NRDC: variants seen among roughly 807,000 people sequenced by gnomAD.
The protein encoded by NRDC is nardilysin.
NRDC carries 54 observed loss-of-function variants against 147.1 expected under a neutral mutation model. The observed-to-expected ratio is 0.37, with a 90% CI of 0.29 to 0.46. The LOEUF is 0.46. Among genes scored for constraint, NRDC ranks in the 20% least tolerant of loss-of-function variants. The pLI is 1.00. For synonymous variants in NRDC, 440 were observed against 482.1 expected, an observed-to-expected ratio of 0.91 and a Z score of 1.14; for missense variants, 1,082 against 1,370.6, an observed-to-expected ratio of 0.79 and a Z score of 3.33.
chr1:51,812,758 C>T (rs1311496422), intron 14 of NRDC, among the ~76,000 whole-genome samples: 3 of 152,058 alleles, frequency 2.0e-5, no homozygotes, highest in East Asian at 1.9e-4. Context: ...ACAGCACTAT[C>T]GTCTAAACAC....
chr1:51,868,550 T>G (rs1682930856), intron 1 of NRDC, among the ~76,000 whole-genome samples: 1 of 152,198 alleles, frequency 6.6e-6, no homozygotes, highest in African/African-American at 2.4e-5. Context: ...TGTATTTTCA[T>G]AGAATAGCAC....
intron 13 of NRDC, 69 bp from the exon 14 acceptor site, chr1:51,814,158 A>T (rs1246865065): frequency 2.2e-6 from 2 of 921,058 alleles, no homozygotes; most frequent in African/African-American, 1.6e-5. Flanking sequence ...GAAGGGCGGG[A>T]GGAGGGAGAG....
At chr1:51,864,101 G>A (rs571953855) in intron 1 of NRDC, among the ~76,000 whole-genome samples, 4 of 152,160 alleles carry the variant, frequency 2.6e-5, no homozygotes, top group Non-Finnish European at 4.4e-5. Context: ...AGATCATATG[G>A]GTACTCAAAG....
Position 51,857,022 on chromosome 1 carries a change from A to G in NRDC, c.342-16508T>C, listed in dbSNP as rs1408240323. 3.9e-5 allele frequency among the ~76,000 whole-genome samples: 6 copies of G among 152,360 alleles called. No homozygotes were observed. In the East Asian group the frequency reaches 1.2e-3, roughly 29 times the overall value. On this transcript the variant is annotated intron_variant, in intron 1 of 30. Coordinates refer to ENST00000352171, the MANE Select transcript of NRDC (RefSeq NM_001101662.2). Reference sequence around the variant, plus strand: ...ACCTGACACACCCAACATTGTAACAAAAAGACTTTAACAAGGGCTATGGGA... The same window carrying G: ...ACCTGACACACCCAACATTGTAACAGAAAGACTTTAACAAGGGCTATGGGA...
chr1:51,868,267 T>G (rs1161036322), intron 1 of NRDC, among the ~76,000 whole-genome samples: 1 of 151,920 alleles, frequency 6.6e-6, no homozygotes, highest in African/African-American at 2.4e-5. Context: ...CAAGAGTCAC[T>G]AACTACATGT....
chr1:51,872,163 G>A (rs766094271), intron 1 of NRDC, among the ~76,000 whole-genome samples: 4 of 152,132 alleles, frequency 2.6e-5, no homozygotes, highest in South Asian at 2.1e-4. Flanking sequence ...GAGCCACGGC[G>A]CCCAGTCAGA....
intron 1 of NRDC, among the ~76,000 whole-genome samples, chr1:51,875,436 T>A (rs990255509): frequency 2.0e-5 from 3 of 152,266 alleles, no homozygotes; most frequent in East Asian, 3.8e-4. Flanking sequence ...GAACAACTCT[T>A]AAGCATTATC....
chr1:51,827,939 T>C (rs1242613724), intron 4 of NRDC, 70 bp from the exon 5 acceptor site: 1 of 1,164,806 alleles, frequency 8.6e-7, no homozygotes, highest in Non-Finnish European at 1.3e-6. Flanking sequence ...TTATTTTAAT[T>C]AAGAAACTTA....
At chr1:51,841,563 C>T (rs1681268559) in intron 1 of NRDC, among the ~76,000 whole-genome samples, 2 of 152,126 alleles carry the variant, frequency 1.3e-5, no homozygotes, top group Admixed American at 1.3e-4. Flanking sequence ...CATCTTGGCC[C>T]CACAAAGTGC....
intron 2 of NRDC, chr1:51,836,531 T>C: frequency 8.9e-7 from 1 of 1,118,050 alleles, no homozygotes; most frequent in South Asian, 1.4e-5. Flanking sequence ...TTCATAATTC[T>C]GAACCAAGTT....
At position 51,875,603 on chromosome 1, in the gene NRDC, G is replaced by A. The variant is rs1377847126; in HGVS notation, c.341+2672C>T. Among the ~76,000 whole-genome samples the A allele has an allele frequency of 5.4e-3, 820 of 152,242 alleles. 1 individual carries two copies. Among genetic ancestry groups the A allele is most frequent in the Non-Finnish European group, 8.6e-3 (582 of 68,012 alleles). Reference sequence around the variant, plus strand: ...TGAGACAGTGTCTCACTGCCACCCAGGCTGGAGTGCAGTGGCACGATCATG... The same window carrying A: ...TGAGACAGTGTCTCACTGCCACCCAAGCTGGAGTGCAGTGGCACGATCATG... On this transcript the variant is annotated intron_variant, in intron 1 of 30. Transcript: ENST00000352171.
chr1:51,878,222 G>A (rs1030909342), intron 1 of NRDC, 53 bp downstream of exon 1: 1 of 1,540,856 alleles, frequency 6.5e-7, no homozygotes, highest in South Asian at 1.2e-5. Flanking sequence ...CGGCGGCACC[G>A]ACAGAGAAGC....
intron 1 of NRDC, among the ~76,000 whole-genome samples, chr1:51,844,402 A>G (rs1571894340): frequency 6.6e-6 from 1 of 152,034 alleles, no homozygotes; most frequent in Admixed American, 6.6e-5. Flanking sequence ...TGGAAACACG[A>G]TGGTACACCA....
intron 24 of NRDC, among the ~76,000 whole-genome samples, chr1:51,793,390 A>G (rs1678742898): frequency 6.6e-6 from 1 of 152,226 alleles, no homozygotes; most frequent in Non-Finnish European, 1.5e-5. Flanking sequence ...GTCATAACCT[A>G]GAAGAGGCTG....
chr1:51,844,485 C>G (rs1681435234), intron 1 of NRDC, among the ~76,000 whole-genome samples: 2 of 151,980 alleles, frequency 1.3e-5, no homozygotes, highest in Non-Finnish European at 2.9e-5. Flanking sequence ...GCCAGAAAGG[C>G]CTCAGAAGAA....
chr1:51,803,789 A>C, intron 20 of NRDC, 25 bp downstream of exon 20: 1 of 1,593,572 alleles, frequency 6.3e-7, no homozygotes, highest in South Asian at 1.1e-5. Context: ...GCTCTCTATA[A>C]GGAAAACAGA....
At chr1:51,810,588 T>C (rs1414445979) in intron 15 of NRDC, among the ~76,000 whole-genome samples, 184 bp from the exon 16 acceptor site, 1 of 152,248 alleles carries the variant, frequency 6.6e-6, no homozygotes, top group South Asian at 2.1e-4. Context: ...TCCTACTTTA[T>C]TGAGGTATAG....
chr1:51,846,276 T>C (rs1305199024), intron 1 of NRDC, among the ~76,000 whole-genome samples: 1 of 151,832 alleles, frequency 6.6e-6, no homozygotes, highest in Non-Finnish European at 1.5e-5. Flanking sequence ...CCGCACCTGG[T>C]TAATTTTTTT....
intron 1 of NRDC, among the ~76,000 whole-genome samples, chr1:51,854,384 G>C (rs956805650): frequency 6.6e-6 from 1 of 152,036 alleles, no homozygotes; most frequent in African/African-American, 2.4e-5. Flanking sequence ...ATAAAGAAAA[G>C]AAACTTAATA....
Sources: allele counts gnomAD v4.1 joint callset (sites outside exome capture counted in the v4.1 genomes callset), GRCh38; gene constraint gnomAD v4.1.1; transcripts MANE v1.5; gene names NCBI Gene and HGNC (gene_info 2026-07-23, HGNC 2026-07-21).